PARP6: variants seen among roughly 807,000 people sequenced by gnomAD.
The protein encoded by PARP6 is protein mono-ADP-ribosyltransferase PARP6.
In PARP6, 27 loss-of-function variants were observed where a neutral mutation model predicts 92.0. The ratio of observed to expected loss-of-function variants is 0.29; its 90% CI spans 0.22 to 0.40. The LOEUF (loss-of-function observed/expected upper bound fraction) is 0.40, where lower values mean the gene tolerates loss of function less well. PARP6 is among the 10% of genes least tolerant of loss of function. The pLI, the probability that PARP6 is intolerant of heterozygous loss-of-function variation, is 1.00. For missense variants in PARP6, 501 were observed against 784.5 expected (o/e 0.64, Z 4.32); for synonymous variants, 272 against 281.2 (o/e 0.97, Z 0.33).
intron 16 of PARP6, among the ~76,000 whole-genome samples, chr15:72,252,079 G>A (rs2084434589): frequency 6.6e-6 from 1 of 152,194 alleles, no homozygotes; most frequent in African/African-American, 2.4e-5. Flanking sequence ...AGCTATGTCA[G>A]GAAAACAATA....
At chr15:72,268,577 G>C (rs546347464) in intron 2 of PARP6, among the ~76,000 whole-genome samples, 1 of 152,148 alleles carries the variant, frequency 6.6e-6, no homozygotes, top group African/African-American at 2.4e-5. Context: ...GTGCGCTTAC[G>C]ATCCCAGCTA....
At chr15:72,245,927 T>G (rs2083548768) in intron 20 of PARP6, 1 of 152,034 alleles carries the variant, frequency 6.6e-6, no homozygotes, top group Non-Finnish European at 1.5e-5. Flanking sequence ...ACCATGAGAA[T>G]CTCACTACTC....
At chr15:72,271,768 AGTTGGGCCAAAAATAGACTATAT>A (rs1395022583) in intron 1 of PARP6, among the ~76,000 whole-genome samples, 1 of 152,240 alleles carries the variant, frequency 6.6e-6, no homozygotes, top group Non-Finnish European at 1.5e-5. Flanking sequence ...TTTCAAAAGA[AGTTGGGCCAAAAATAGACTATAT>A]GATGAGTGTC....
intron 3 of PARP6, 80 bp from the exon 4 acceptor site, chr15:72,266,902 A>G: frequency 2.0e-6 from 2 of 1,022,276 alleles, no homozygotes; most frequent in East Asian, 4.8e-5. Flanking sequence ...TATGGTGAGG[A>G]ACAGATTCCC....
In PARP6 at chr15:72,267,579, A is replaced by G. The variant is rs950650607; in HGVS notation, c.-102T>C. On this transcript the variant is annotated 5_prime_UTR_variant, in exon 3 of 24. Coordinates refer to ENST00000569795, the MANE Select transcript of PARP6 (RefSeq NM_001323532.2). ...ACGAGATGGGCATTTAGGAGACCACAAAGGGAGACAAGGTAGGGCACGATG... is the reference window on the plus strand; with the variant it reads ...ACGAGATGGGCATTTAGGAGACCACGAAGGGAGACAAGGTAGGGCACGATG... The G allele has an allele frequency of 4.6e-5, 58 of 1,261,272 alleles. No individual in the cohort carries two copies. The highest frequency in any genetic ancestry group is 6.7e-5 in the Non-Finnish European group (58 of 860,608). 78.1% of individuals were successfully genotyped at this position (1,261,272 alleles called of 1,614,324 possible). A position where few individuals can be genotyped will look rare whatever the true frequency, so the allele number is the denominator to read the frequency against.
At chr15:72,258,802 C>G (rs1488460342) in intron 11 of PARP6, among the ~76,000 whole-genome samples, 5 of 152,090 alleles carry the variant, frequency 3.3e-5, no homozygotes, top group African/African-American at 1.2e-4. Flanking sequence ...CAAGTTGTTC[C>G]CCTTTCACAT....
intron 20 of PARP6, chr15:72,245,730 TATG>T (rs1255360086): frequency 1.3e-5 from 2 of 152,246 alleles, no homozygotes; most frequent in East Asian, 1.9e-4. Flanking sequence ...GAAAGGTGTC[TATG>T]ATATCTTTAT....
rs769786852 is a variant in PARP6, at chr15:72,242,200, C to A, written c.1662G>T (p.Arg554=). 5.0e-6 allele frequency: 8 copies of A among 1,614,116 alleles called. No homozygotes were observed. Among genetic ancestry groups the A allele is most frequent in the Non-Finnish European group, 6.8e-6 (8 of 1,179,972 alleles). ...TIPQTRSIQS[R]FLQSRNLNCI... is the part of the protein sequence containing the mutation. ...AGTTTAGATTCCGACTCTGCAGGAA[C>A]CGTGACTGAATGGATCGGGTCTGGA... Residue 554 remains arginine, a synonymous_variant, in exon 22 of 24, where the codon CGG becomes CGT. Transcript: ENST00000569795. This position sits in a 1 kb window ranked among gnomAD's most constrained non-coding sequence, Gnocchi z 4.3.
chr15:72,263,195 C>T (rs1196486939), intron 8 of PARP6, among the ~76,000 whole-genome samples: 2 of 152,320 alleles, frequency 1.3e-5, no homozygotes, highest in East Asian at 3.9e-4. Flanking sequence ...GACATCTAGG[C>T]TGGAAACCTA....
intron 2 of PARP6, among the ~76,000 whole-genome samples, chr15:72,270,739 C>A (rs1389926130): frequency 6.6e-6 from 1 of 152,172 alleles, no homozygotes. Flanking sequence ...AACTCAACAC[C>A]CACACACTAG....
intron 15 of PARP6, chr15:72,253,849 T>C (rs2084695090): frequency 4.2e-6 from 2 of 477,866 alleles, no homozygotes; most frequent in Non-Finnish European, 8.2e-6. Context: ...AATCTTTAAA[T>C]AATGCAAAGC....
At chr15:72,266,859 G>A (rs2086663229) in intron 3 of PARP6, 37 bp from the exon 4 acceptor site, 6 of 1,497,260 alleles carry the variant, frequency 4.0e-6, no homozygotes, top group Non-Finnish European at 5.6e-6. Flanking sequence ...GCTTTGTTAG[G>A]TCCCTATTAT....
chr15:72,267,413 C>A lies in PARP6; in HGVS notation c.3+62G>T. 3 of 1,574,148 alleles carry A rather than the reference C, an allele frequency of 1.9e-6. 1 individual carries two copies. Among genetic ancestry groups the A allele is most frequent in the Non-Finnish European group, 2.6e-6 (3 of 1,143,626 alleles). ...GGAAAATACCAAGAAAGGGTGAGAT[C>A]TGCACTTTGTCTCCTCTACCCTTTG... On this transcript the variant is annotated intron_variant, in intron 3 of 23. Transcript: ENST00000569795.
At chr15:72,257,528 C>CT (rs2085297669) in intron 12 of PARP6, 88 bp from the exon 13 acceptor site, 6 of 1,023,554 alleles carry the variant, frequency 5.9e-6, no homozygotes, top group African/African-American at 1.6e-5. Flanking sequence ...TCAGACAACT[C>CT]TAAAACAGGG....
chr15:72,266,932 G>T, intron 3 of PARP6, 110 bp from the exon 4 acceptor site: 1 of 827,998 alleles, frequency 1.2e-6, no homozygotes, highest in Non-Finnish European at 2.1e-6. Context: ...GGGAAATATA[G>T]AATAACTGAA....
chr15:72,256,632 T>A (rs753486843), intron 13 of PARP6, 42 bp from the exon 14 acceptor site: 1 of 1,448,564 alleles, frequency 6.9e-7, no homozygotes, highest in South Asian at 1.6e-5. Context: ...GCTAAATGAT[T>A]TCCCAGTACT....
chr15:72,257,577 A>G (rs1297814578), intron 12 of PARP6, 137 bp from the exon 13 acceptor site: 2 of 644,788 alleles, frequency 3.1e-6, no homozygotes, highest in East Asian at 5.3e-5. Context: ...GAAAACTACC[A>G]ATAAAGTCTT....
At chr15:72,261,278 T>C (rs2085848493) in intron 9 of PARP6, among the ~76,000 whole-genome samples, 1 of 152,136 alleles carries the variant, frequency 6.6e-6, no homozygotes, top group Non-Finnish European at 1.5e-5. Flanking sequence ...GGGAAACGGA[T>C]CAGGACAAAA....
At chr15:72,260,783 T>C in intron 9 of PARP6, 95 bp from the exon 10 acceptor site, 3 of 889,692 alleles carry the variant, frequency 3.4e-6, no homozygotes, top group Non-Finnish European at 3.7e-6. Context: ...CCAAAAGTTC[T>C]AAACTAAAGA....
Sources: allele counts gnomAD v4.1 joint callset (sites outside exome capture counted in the v4.1 genomes callset), GRCh38; gene constraint gnomAD v4.1.1; non-coding constraint Gnocchi (gnomAD v3.1); transcripts MANE v1.5; gene names NCBI Gene and HGNC (gene_info 2026-07-23, HGNC 2026-07-21).